The following STIM1 variants were observed in gnomAD, a reference collection of about 807,000 sequenced individuals.
STIM1 encodes the protein stromal interaction molecule 1.
In STIM1, 25 loss-of-function variants were observed where a neutral mutation model predicts 74.7. The ratio of observed to expected loss-of-function variants is 0.33; its 90% CI spans 0.24 to 0.47. The LOEUF (loss-of-function observed/expected upper bound fraction) is 0.47. Among genes scored for constraint, STIM1 ranks in the 20% least tolerant of loss-of-function variants. The pLI is 1.00. For missense variants in STIM1, 728 were observed against 920.8 expected (o/e 0.79, Z 2.71); for synonymous variants, 328 against 348.8 (o/e 0.94, Z 0.66).
intron 1 of STIM1, among the ~76,000 whole-genome samples, chr11:3,874,760 T>G (rs2091254955): frequency 6.6e-6 from 1 of 152,160 alleles, no homozygotes; most frequent in Non-Finnish European, 1.5e-5. Flanking sequence ...TCCTGCAAGA[T>G]TTGGTACTCA....
intron 2 of STIM1, among the ~76,000 whole-genome samples, chr11:4,017,300 T>G (rs1222148907): frequency 6.6e-6 from 1 of 152,200 alleles, no homozygotes; most frequent in Non-Finnish European, 1.5e-5. Flanking sequence ...CATAAGTACC[T>G]TCCTTCAGGT....
At chr11:4,081,876 A>G (rs760806092) in intron 7 of STIM1, among the ~76,000 whole-genome samples, 2 of 152,188 alleles carry the variant, frequency 1.3e-5, no homozygotes, top group Non-Finnish European at 2.9e-5. Context: ...TCCTGAAGAG[A>G]TCAGGGAAGA....
At chr11:4,054,057 T>G (rs1333750431) in intron 3 of STIM1, among the ~76,000 whole-genome samples, 3 of 152,228 alleles carry the variant, frequency 2.0e-5, no homozygotes, top group Admixed American at 6.5e-5. Flanking sequence ...AGCAACTGAA[T>G]TCTTAATTTA....
chr11:3,862,796 C>T (rs2090673010), intron 1 of STIM1, among the ~76,000 whole-genome samples: 1 of 151,674 alleles, frequency 6.6e-6, no homozygotes, highest in Admixed American at 6.6e-5. Flanking sequence ...CAACTGAGGT[C>T]TGGGGGTAAA....
At chr11:4,001,604 C>G (rs375660086) in intron 2 of STIM1, among the ~76,000 whole-genome samples, 1 of 152,082 alleles carries the variant, frequency 6.6e-6, no homozygotes, top group African/African-American at 2.4e-5. Flanking sequence ...CATGGAAAGG[C>G]ACAACCGGTA....
intron 11 of STIM1, 116 bp downstream of exon 11, chr11:4,084,881 C>G (rs2094484270): frequency 1.3e-6 from 1 of 759,308 alleles, no homozygotes; most frequent in Non-Finnish European, 1.9e-6. Flanking sequence ...CTCCCTCTAT[C>G]CCCTCAGCAC....
intron 2 of STIM1, among the ~76,000 whole-genome samples, chr11:3,999,378 C>G (rs1214019253): frequency 6.6e-6 from 1 of 152,208 alleles, no homozygotes; most frequent in Non-Finnish European, 1.5e-5. Context: ...CCATAGTTTT[C>G]TGACCCAATA....
intron 2 of STIM1, among the ~76,000 whole-genome samples, chr11:4,020,776 A>T (rs968622924): frequency 2.7e-5 from 4 of 148,368 alleles, no homozygotes; most frequent in South Asian, 2.1e-4. Flanking sequence ...TTTTTTTTTT[A>T]ATTTTTTGCA....
intron 1 of STIM1, among the ~76,000 whole-genome samples, chr11:3,925,522 G>A (rs1454309201): frequency 6.6e-6 from 1 of 152,136 alleles, no homozygotes; most frequent in Admixed American, 6.5e-5. Context: ...TATTAAGCAG[G>A]ACATGTATAA....
At chr11:3,908,598 CGA>C (rs2092507739) in intron 1 of STIM1, among the ~76,000 whole-genome samples, 1 of 125,264 alleles carries the variant, frequency 8.0e-6, no homozygotes, top group Non-Finnish European at 1.6e-5. Flanking sequence ...GGTGACAGAG[CGA>C]GACTCCATCT....
At chr11:3,997,916 G>A (rs2093677324) in intron 2 of STIM1, among the ~76,000 whole-genome samples, 1 of 152,162 alleles carries the variant, frequency 6.6e-6, no homozygotes, top group Non-Finnish European at 1.5e-5. Context: ...ACAATGTCTT[G>A]TCTTAACTAT....
intron 2 of STIM1, among the ~76,000 whole-genome samples, chr11:4,014,894 A>G (rs73431611): frequency 0.018 from 2,814 of 152,160 alleles, 87 homozygotes; most frequent in African/African-American, 0.065. Flanking sequence ...ATTGCTTTCC[A>G]TTAGCTTGGT....
At chr11:3,960,761 AACAAC>A (rs1488952685) in intron 1 of STIM1, among the ~76,000 whole-genome samples, 3 of 152,304 alleles carry the variant, frequency 2.0e-5, no homozygotes, top group African/African-American at 7.2e-5. Context: ...CTTTAGCCAA[AACAAC>A]ACATCACAAT....
At chr11:3,857,187 T>C (rs1197306230) in intron 1 of STIM1, among the ~76,000 whole-genome samples, 1 of 146,990 alleles carries the variant, frequency 6.8e-6, no homozygotes, top group African/African-American at 2.5e-5. Flanking sequence ...TCCTATGCAG[T>C]TGTGAAGGCT....
At position 4,091,585 on chromosome 11, in the gene STIM1, T is replaced by C; in HGVS notation, c.1938T>C (p.Arg646=). The part of the protein sequence containing the change: ...PGGSPHLDSS[R]SHSPSSPDPD... ...GCTCTCCACATTTGGATTCTTCCCG[T>C]TCTCACAGCCCCAGCTCCCCAGACC... Residue 646 remains arginine, a synonymous_variant, in exon 13 of 13, where the codon CGT becomes CGC. Transcript: ENST00000526596. 6.2e-7 allele frequency: 1 copy of C among 1,614,176 alleles called. No individual in the cohort carries two copies. The highest frequency in any genetic ancestry group is 8.5e-7 in the Non-Finnish European group (1 of 1,180,024).
At chr11:3,956,291 G>C (rs2412338) in intron 1 of STIM1, among the ~76,000 whole-genome samples, 2 of 151,968 alleles carry the variant, frequency 1.3e-5, no homozygotes, top group African/African-American at 4.8e-5. Flanking sequence ...CAGGATAAGA[G>C]TTGGAATAGT....
intron 1 of STIM1, among the ~76,000 whole-genome samples, chr11:3,941,217 AC>A (rs2093000840): frequency 6.6e-6 from 1 of 152,224 alleles, no homozygotes; most frequent in Admixed American, 6.5e-5. Flanking sequence ...ATTAAACAGA[AC>A]AAAAATGGTC....
At chr11:3,891,070 A>T (rs1047421683) in intron 1 of STIM1, among the ~76,000 whole-genome samples, 1 of 152,196 alleles carries the variant, frequency 6.6e-6, no homozygotes, top group South Asian at 2.1e-4. Flanking sequence ...ATGATAAGAA[A>T]TGTATGTTGA....
intron 1 of STIM1, among the ~76,000 whole-genome samples, chr11:3,959,002 C>T (rs1466273698): frequency 5.3e-5 from 8 of 151,072 alleles, no homozygotes; most frequent in African/African-American, 1.9e-4. Flanking sequence ...CCATCCCTTA[C>T]TCCTCCCTCA....
Sources: gnomAD v4.1 joint callset for allele counts (sites outside exome capture counted in the v4.1 genomes callset) on GRCh38, gnomAD v4.1.1 for gene constraint, MANE v1.5 for transcripts, NCBI Gene and HGNC (gene_info 2026-07-23, HGNC 2026-07-21) for gene names.